Variants in PAFAH1B1 observed in about 807,000 individuals in gnomAD.
PAFAH1B1 encodes platelet activating factor acetylhydrolase 1b regulatory subunit 1, also known as platelet-activating factor acetylhydrolase IB subunit beta.
Under a neutral mutation model 57.5 loss-of-function variants are expected in PAFAH1B1, and 2 were observed. That is an observed-to-expected ratio of 0.03 (90% CI 0.01 to 0.11). The LOEUF is 0.11. PAFAH1B1 is among the 10% of genes least tolerant of loss of function. The pLI is 1.00. For missense variants in PAFAH1B1, 257 were observed against 512.0 expected (o/e 0.50, Z 4.81); for synonymous variants, 152 against 169.6 (o/e 0.90, Z 0.81).
intron 1 of PAFAH1B1, among the ~76,000 whole-genome samples, chr17:2,628,010 A>T (rs544436436): frequency 6.6e-6 from 1 of 152,314 alleles, no homozygotes; most frequent in East Asian, 1.9e-4. Context: ...GTAAACGATC[A>T]TATCGTCAGC....
At position 2,661,557 on chromosome 17, in the gene PAFAH1B1, T is replaced by A. The variant is rs181324238; in HGVS notation, c.33-3815T>A. Among the ~76,000 whole-genome samples, 8 of 152,314 alleles carry A rather than the reference T, an allele frequency of 5.3e-5. No homozygotes were observed. In the East Asian group the frequency reaches 1.5e-3, roughly 29 times the overall value. On this transcript the variant is annotated intron_variant, in intron 2 of 10. Transcript: ENST00000397195. ...GGTACCAGTAGCATGCTGTTTTGGT[T>A]ACTGTAGCCTTGTAGTATAGTTTGA...
intron 2 of PAFAH1B1, among the ~76,000 whole-genome samples, chr17:2,650,497 G>A (rs946557269): frequency 1.6e-4 from 24 of 146,432 alleles, no homozygotes; most frequent in Admixed American, 7.6e-4. Context: ...GGGTGACAGA[G>A]CAAGACTCCA....
chr17:2,622,181 C>G (rs967653530), intron 1 of PAFAH1B1, among the ~76,000 whole-genome samples: 1 of 152,148 alleles, frequency 6.6e-6, no homozygotes, highest in African/African-American at 2.4e-5. Flanking sequence ...CATTCCACCC[C>G]TGGTCCCTCC....
intron 2 of PAFAH1B1, among the ~76,000 whole-genome samples, chr17:2,652,811 C>T (rs2068881249): frequency 6.6e-6 from 1 of 152,192 alleles, no homozygotes; most frequent in Non-Finnish European, 1.5e-5. Flanking sequence ...CACTTTTGCA[C>T]TGTTGGTGGG....
At chr17:2,660,391 C>G (rs929836519) in intron 2 of PAFAH1B1, among the ~76,000 whole-genome samples, 1 of 152,104 alleles carries the variant, frequency 6.6e-6, no homozygotes, top group African/African-American at 2.4e-5. Context: ...CTGATGCTCT[C>G]CCTCCCCTCA....
At chr17:2,638,072 C>CTTT in intron 1 of PAFAH1B1, 27 bp from the exon 2 acceptor site, 4 of 480,924 alleles carry the variant, frequency 8.3e-6, no homozygotes, top group Middle Eastern at 5.6e-4. Context: ...GTGAAATAAT[C>CTTT]TTTTTTTTTC....
intron 2 of PAFAH1B1, among the ~76,000 whole-genome samples, chr17:2,665,030 T>C (rs2069086889): frequency 6.6e-6 from 1 of 152,194 alleles, no homozygotes; most frequent in African/African-American, 2.4e-5. Flanking sequence ...GCAAAATTGA[T>C]GGTTGCTGTC....
chr17:2,605,633 C>G (rs577447537), intron 1 of PAFAH1B1, among the ~76,000 whole-genome samples: 1 of 152,298 alleles, frequency 6.6e-6, no homozygotes, highest in African/African-American at 2.4e-5. Flanking sequence ...CCCTTACTTA[C>G]GCTTCAAATC....
chr17:2,626,337 G>T (rs545543613), intron 1 of PAFAH1B1, among the ~76,000 whole-genome samples: 1 of 152,042 alleles, frequency 6.6e-6, no homozygotes, highest in Non-Finnish European at 1.5e-5. Context: ...AGGTAAAATT[G>T]TATTCTTAAA....
chr17:2,662,345 T>C (rs2069026755), intron 2 of PAFAH1B1, among the ~76,000 whole-genome samples: 1 of 152,024 alleles, frequency 6.6e-6, no homozygotes, highest in Non-Finnish European at 1.5e-5. Context: ...TTCTTTTTTA[T>C]TTTTCTTAAC....
At position 2,612,861 on chromosome 17, in the gene PAFAH1B1, C is replaced by T. The variant is rs560005622; in HGVS notation, c.-191+18855C>T. Among the ~76,000 whole-genome samples, 7 of 152,192 alleles carry T rather than the reference C, an allele frequency of 4.6e-5. No homozygotes were observed. In the South Asian group the frequency reaches 6.2e-4, roughly 14 times the overall value. ...CTGGGCTCAAGTGATCCTCCTGCCT[C>T]GGCCTCCACAAGTGCTGAGATTACT... On this transcript the variant is annotated intron_variant, in intron 1 of 10. Coordinates refer to ENST00000397195, the MANE Select transcript of PAFAH1B1 (RefSeq NM_000430.4).
At chr17:2,611,666 G>T (rs1567527017) in intron 1 of PAFAH1B1, among the ~76,000 whole-genome samples, 1 of 151,852 alleles carries the variant, frequency 6.6e-6, no homozygotes, top group Non-Finnish European at 1.5e-5. Flanking sequence ...TTTTTCTTTT[G>T]AATTTTAAAA....
At chr17:2,658,378 C>T (rs546715656) in intron 2 of PAFAH1B1, among the ~76,000 whole-genome samples, 1 of 152,124 alleles carries the variant, frequency 6.6e-6, no homozygotes, top group Non-Finnish European at 1.5e-5. Context: ...TTAGTGACTG[C>T]CCTCTGTTTT....
chr17:2,622,491 A>G lies in PAFAH1B1; in HGVS notation c.-190-15608A>G, dbSNP rs572868173. Reference sequence around the variant, plus strand: ...CGGGACAGTCAAATTTTAAAGCTCCAAAATAATCTCCTTTGACTCCAGGTC... The same window carrying G: ...CGGGACAGTCAAATTTTAAAGCTCCGAAATAATCTCCTTTGACTCCAGGTC... On this transcript the variant is annotated intron_variant, in intron 1 of 10. Coordinates refer to ENST00000397195, the MANE Select transcript of PAFAH1B1 (RefSeq NM_000430.4). Among the ~76,000 whole-genome samples the G allele has an allele frequency of 7.2e-5, 11 of 152,330 alleles. No individual in the cohort carries two copies. The South Asian group carries it at 1.9e-3, about 26-fold the overall frequency.
chr17:2,678,283 C>A (rs1450780039), intron 9 of PAFAH1B1, among the ~76,000 whole-genome samples: 1 of 151,902 alleles, frequency 6.6e-6, no homozygotes, highest in Non-Finnish European at 1.5e-5. Context: ...TGCCTGTAAT[C>A]CCAGCTACTT....
At chr17:2,660,410 C>A (rs926776408) in intron 2 of PAFAH1B1, among the ~76,000 whole-genome samples, 1 of 152,024 alleles carries the variant, frequency 6.6e-6, no homozygotes. Context: ...CAACCCCCAC[C>A]CCCACCAACA....
In PAFAH1B1 at chr17:2,628,647, A is replaced by G. The variant is rs928980185; in HGVS notation, c.-190-9452A>G. Among the ~76,000 whole-genome samples, 4 of 152,252 alleles carry G rather than the reference A, an allele frequency of 2.6e-5. No homozygotes were observed. The South Asian group carries it at 6.2e-4, about 24-fold the overall frequency. On this transcript the variant is annotated intron_variant, in intron 1 of 10. Transcript: ENST00000397195. ...TCCTTCTTTCTCTGTCTTGTGGAAT[A>G]TTATCAAAAGAATTGGTACCAACTC...
At chr17:2,600,931 C>A (rs2068136043) in intron 1 of PAFAH1B1, among the ~76,000 whole-genome samples, 1 of 151,858 alleles carries the variant, frequency 6.6e-6, no homozygotes, top group Non-Finnish European at 1.5e-5. Context: ...GGGGTTTCGC[C>A]ATATTGGCCA....
intron 7 of PAFAH1B1, chr17:2,673,733 T>TA (rs2069217136): frequency 3.4e-6 from 1 of 297,248 alleles, no homozygotes; most frequent in Non-Finnish European, 6.5e-6. Context: ...ATTTTTGTAG[T>TA]ACAAAGTTAC....
Sources: gnomAD v4.1 joint callset for allele counts (sites outside exome capture counted in the v4.1 genomes callset) on GRCh38, gnomAD v4.1.1 for gene constraint, MANE v1.5 for transcripts, NCBI Gene and HGNC (gene_info 2026-07-23, HGNC 2026-07-21) for gene names.